Variants in PVALEF observed in about 807,000 individuals in gnomAD.
PVALEF encodes the protein parvalbumin like EF-hand containing.
Under a neutral mutation model 1.2 loss-of-function variants are expected in PVALEF, and 2 were observed. The observed-to-expected ratio is 1.68, with a 90% CI of 0.69 to 5.28. PVALEF has a LOEUF of 5.28. PVALEF is among the 30% of genes most tolerant of loss of function. The pLI, the probability that PVALEF is intolerant of heterozygous loss-of-function variation, is 0.06. For synonymous variants in PVALEF, 16 were observed against 6.5 expected, an observed-to-expected ratio of 2.47 and a Z score of -2.24; for missense variants, 35 against 17.7, an observed-to-expected ratio of 1.97 and a Z score of -1.75.
At chr17:81,176,943 T>TTTTA (rs1298709446) in intron 2 of PVALEF, among the ~76,000 whole-genome samples, 1 of 151,212 alleles carries the variant, frequency 6.6e-6, no homozygotes, top group Non-Finnish European at 1.5e-5. Context: ...TTTTTTTTTT[T>TTTTA]TGAGACAGAG....
rs570115053 is a variant in PVALEF at position 81,166,845 on chromosome 17, G to C, written c.-340+1G>C. The C allele has an allele frequency of 2.3e-6, 1 of 427,494 alleles. No homozygotes were observed. Among genetic ancestry groups the C allele is most frequent in the Non-Finnish European group, 4.8e-6 (1 of 209,556 alleles). 26.5% of individuals were successfully genotyped at this position (427,494 alleles called of 1,614,324 possible). ...CTCCACCTGCCGTGGACTGTACCAG[G>C]TGCTTAGGGCAGCAGGTTGGCCTGG... On this transcript the variant is annotated splice_donor_variant, in intron 2 of 6. Transcript: ENST00000637878. LOFTEE classifies it low-confidence loss of function (5UTR_SPLICE).
At chr17:81,166,488 G>A (rs1237090401) in intron 1 of PVALEF, among the ~76,000 whole-genome samples, 189 bp from the exon 2 acceptor site, 12 of 102,180 alleles carry the variant, frequency 1.2e-4, no homozygotes, top group Non-Finnish European at 1.0e-4. Flanking sequence ...GGGCTGAGGG[G>A]GGCACGGAGG....
chr17:81,182,984 A>G lies in PVALEF; in HGVS notation c.378A>G (p.Lys126=). Residue 126 remains lysine, a synonymous_variant, in exon 7 of 7, where the codon AAA becomes AAG. Coordinates refer to ENST00000637878, the MANE Select transcript of PVALEF (RefSeq NM_001354639.2). ...CTCTAGAATTTTCTGAATTGATCAA[A>G]AAGGAGAAAATTCCAAAGAAGAAGT... is the stretch of plus-strand genomic sequence containing the variant. ...INYEEFSELI[K]KEKIPKKK is the part of the protein sequence containing the mutation. The G allele has an allele frequency of 2.5e-6, 1 of 398,686 alleles. No homozygotes were observed. The highest frequency in any genetic ancestry group is 4.4e-6 in the Non-Finnish European group (1 of 226,084). The allele number at this position is 398,686 out of a possible 1,614,324, so 24.7% of individuals were successfully genotyped here. A position where few individuals can be genotyped will look rare whatever the true frequency, so the allele number is the denominator to read the frequency against.
intron 2 of PVALEF, among the ~76,000 whole-genome samples, chr17:81,171,714 G>A (rs537097162): frequency 4.1e-4 from 62 of 152,108 alleles, no homozygotes; most frequent in African/African-American, 1.4e-3. Flanking sequence ...GGATGGTCTC[G>A]ATCTCCTGAC....
intron 1 of PVALEF, 120 bp downstream of exon 1, chr17:81,165,867 TGGGGCCCA>T: frequency 6.5e-7 from 1 of 1,535,464 alleles, no homozygotes; most frequent in Non-Finnish European, 8.8e-7. Context: ...CCGGGAGCCG[TGGGGCCCA>T]GGGGCATCAC....
chr17:81,167,632 C>T (rs532791959), intron 2 of PVALEF, among the ~76,000 whole-genome samples: 1 of 152,304 alleles, frequency 6.6e-6, no homozygotes, highest in East Asian at 1.9e-4. Context: ...TTCCTCCTAA[C>T]AGGCAAAGCA....
chr17:81,177,006 A>G (rs1232011006), intron 2 of PVALEF, among the ~76,000 whole-genome samples: 1 of 147,000 alleles, frequency 6.8e-6, no homozygotes, highest in African/African-American at 2.5e-5. Context: ...AGCTCACTGC[A>G]ACCTCTGCCT....
rs1250584484 is a variant in PVALEF at position 81,181,311 on chromosome 17, CCCACAGACATGAGACA to C, written c.90_105del (p.Asp31GlyfsTer61). The C allele has an allele frequency of 1.4e-6, 1 of 693,528 alleles. No homozygotes were observed. Among genetic ancestry groups the C allele is most frequent in the Admixed American group, 2.0e-5 (1 of 49,164 alleles). 43.0% of individuals were successfully genotyped at this position (693,528 alleles called of 1,614,324 possible). On this transcript the variant is annotated frameshift_variant, in exon 4 of 7. Coordinates refer to ENST00000637878, the MANE Select transcript of PVALEF (RefSeq NM_001354639.2). LOFTEE classifies it high-confidence loss of function. ...ATCAGACAAGGACATTGAGCTGCTG[CCCACAGACATGAGACA>C]CCACGGTACAGCATGCCCCCGCCCG... is the stretch of plus-strand genomic sequence containing the variant.
chr17:81,165,889 C>T, intron 1 of PVALEF, 142 bp downstream of exon 1: 3 of 1,552,700 alleles, frequency 1.9e-6, no homozygotes, highest in Non-Finnish European at 1.7e-6. Flanking sequence ...GCATCACGTC[C>T]GCAGCGGAGG....
Position 81,165,694 on chromosome 17 carries a change from G to C in PVALEF, c.-561G>C, listed in dbSNP as rs2061479848. 2 of 1,516,356 alleles carry C rather than the reference G, an allele frequency of 1.3e-6. No individual in the cohort carries two copies. The highest frequency in any genetic ancestry group is 8.8e-7 in the Non-Finnish European group (1 of 1,134,380). The allele number at this position is 1,516,356 out of a possible 1,614,324, so 93.9% of individuals were successfully genotyped here. ...GTGCCCCAGTTACCTGTGCCCTGGA[G>C]GCAGCCACGGAGTCACGACCACGCG... On this transcript the variant is annotated 5_prime_UTR_variant, in exon 1 of 7. Transcript: ENST00000637878.
intron 3 of PVALEF, 21 bp from the exon 4 acceptor site, chr17:81,181,102 G>T: frequency 1.6e-6 from 1 of 638,662 alleles, no homozygotes; most frequent in Non-Finnish European, 2.9e-6. Context: ...TGTGACGCCT[G>T]TCACCATTCC....
intron 5 of PVALEF, 89 bp downstream of exon 5, chr17:81,181,783 G>C (rs1013185804): frequency 5.0e-6 from 2 of 398,416 alleles, no homozygotes; most frequent in East Asian, 7.1e-5. Context: ...TCCCCCACCG[G>C]GTCCCCGCTG....
At chr17:81,174,390 AG>A (rs1170184835) in intron 2 of PVALEF, among the ~76,000 whole-genome samples, 1 of 152,214 alleles carries the variant, frequency 6.6e-6, no homozygotes, top group African/African-American at 2.4e-5. Flanking sequence ...GCACTTTGGG[AG>A]GCCAAGGCAG....
intron 2 of PVALEF, among the ~76,000 whole-genome samples, chr17:81,175,490 A>C (rs2061533568): frequency 6.6e-6 from 1 of 152,208 alleles, no homozygotes; most frequent in Non-Finnish European, 1.5e-5. Context: ...CAATCTTGAA[A>C]AAGAAGAACA....
chr17:81,169,204 G>T (rs561008065), intron 2 of PVALEF, among the ~76,000 whole-genome samples: 7 of 152,326 alleles, frequency 4.6e-5, no homozygotes, highest in African/African-American at 1.7e-4. Context: ...ATTAGCTAGA[G>T]GTGATGGCTG....
chr17:81,179,022 C>G lies in PVALEF; in HGVS notation c.-235C>G, dbSNP rs1043382624. 6.6e-6 allele frequency: 3 copies of G among 451,216 alleles called. No homozygotes were observed. 28.0% of individuals were successfully genotyped at this position (451,216 alleles called of 1,614,324 possible). ...AGCTGCCCGTGCCAGGCTGGAGTGC[C>G]GGGGAGGGGCGAGGACAGCTGCAGC... On this transcript the variant is annotated 5_prime_UTR_variant, in exon 3 of 7. Transcript: ENST00000637878.
At chr17:81,176,988 G>A (rs1462405181) in intron 2 of PVALEF, among the ~76,000 whole-genome samples, 1 of 148,090 alleles carries the variant, frequency 6.8e-6, no homozygotes, top group African/African-American at 2.5e-5. Context: ...GTGCGGTGGC[G>A]CGATCTCAGC....
At chr17:81,169,959 G>A (rs375929904) in intron 2 of PVALEF, among the ~76,000 whole-genome samples, 4 of 149,300 alleles carry the variant, frequency 2.7e-5, no homozygotes, top group Admixed American at 6.7e-5. Context: ...CACGTGTGTC[G>A]GTGTTGGTAT....
At chr17:81,176,863 G>A (rs1161290502) in intron 2 of PVALEF, among the ~76,000 whole-genome samples, 5 of 151,362 alleles carry the variant, frequency 3.3e-5, no homozygotes, top group African/African-American at 7.3e-5. Flanking sequence ...AAAAATCCAG[G>A]ATCCATGAAC....
Sources: allele counts gnomAD v4.1 joint callset (sites outside exome capture counted in the v4.1 genomes callset), GRCh38; gene constraint gnomAD v4.1.1; transcripts MANE v1.5; gene names NCBI Gene and HGNC (gene_info 2026-07-23, HGNC 2026-07-21).